The following PRR16 variants were observed in gnomAD, a reference collection of about 807,000 sequenced individuals.
PRR16 encodes the protein proline rich 16.
A neutral mutation model predicts 18.2 loss-of-function variants in PRR16; 6 were observed. The ratio of observed to expected loss-of-function variants is 0.33; its 90% CI spans 0.18 to 0.65. The LOEUF is 0.65. Ranked by LOEUF, PRR16 falls within the 30% of genes least tolerant of loss-of-function variation. The pLI is 0.74. For synonymous variants in PRR16, 151 were observed against 147.8 expected, an observed-to-expected ratio of 1.02 and a Z score of -0.16; for missense variants, 412 against 376.6, an observed-to-expected ratio of 1.09 and a Z score of -0.78.
chr5:120,468,290 T>C (rs907951391), intron 1 of PRR16, among the ~76,000 whole-genome samples: 1 of 152,172 alleles, frequency 6.6e-6, no homozygotes. Context: ...TATTCAAATG[T>C]TGTAACTAAA....
chr5:120,577,040 T>C (rs1753101754), intron 1 of PRR16, among the ~76,000 whole-genome samples: 1 of 152,136 alleles, frequency 6.6e-6, no homozygotes, highest in Admixed American at 6.6e-5. Context: ...ATGATTTCGT[T>C]TTCCAACGCT....
At chr5:120,622,843 T>C (rs984807466) in intron 1 of PRR16, among the ~76,000 whole-genome samples, 10 of 151,316 alleles carry the variant, frequency 6.6e-5, no homozygotes, top group African/African-American at 2.5e-4. Context: ...TTACATTATT[T>C]CTTTTTTGTT....
At chr5:120,743,240 C>G in the PRR16 span, among the ~76,000 whole-genome samples, 6 of 151,980 alleles carry the variant, frequency 3.9e-5, no homozygotes, top group African/African-American at 1.5e-4. Context: ...AATCCCATTT[C>G]CCCAGTTATT....
chr5:120,655,346 A>G (rs1206005997), intron 1 of PRR16, among the ~76,000 whole-genome samples: 2 of 150,456 alleles, frequency 1.3e-5, no homozygotes, highest in Non-Finnish European at 3.0e-5. Context: ...TTTTCAATGG[A>G]TGATTTATCT....
At chr5:120,655,793 G>A (rs538764222) in intron 1 of PRR16, among the ~76,000 whole-genome samples, 7 of 150,312 alleles carry the variant, frequency 4.7e-5, no homozygotes, top group African/African-American at 1.5e-4. Context: ...CAAATGAGAA[G>A]GCTAAATGTG....
chr5:120,565,242 ATACTTGTGC>A (rs1561548486), intron 1 of PRR16, among the ~76,000 whole-genome samples: 2 of 152,114 alleles, frequency 1.3e-5, no homozygotes, highest in African/African-American at 2.4e-5. Context: ...CATGTGTTTG[ATACTTGTGC>A]TAAAATCCTA....
intron 1 of PRR16, among the ~76,000 whole-genome samples, chr5:120,484,884 T>C (rs1484935952): frequency 1.3e-5 from 2 of 151,448 alleles, no homozygotes; most frequent in Non-Finnish European, 3.0e-5. Context: ...TTAAAGAGTA[T>C]ACATACATAT....
At chr5:120,609,421 T>A (rs1037792997) in intron 1 of PRR16, among the ~76,000 whole-genome samples, 9 of 152,128 alleles carry the variant, frequency 5.9e-5, no homozygotes, top group South Asian at 2.1e-4. Flanking sequence ...AAAAAATTTT[T>A]AAAAAAGGAA....
chr5:120,587,200 G>A (rs1022263017), intron 1 of PRR16, among the ~76,000 whole-genome samples: 2 of 152,176 alleles, frequency 1.3e-5, no homozygotes, highest in African/African-American at 4.8e-5. Context: ...GTTTTATCAT[G>A]GGGATAAGGA....
At chr5:120,712,843 G>T in the PRR16 span, among the ~76,000 whole-genome samples, 1 of 152,098 alleles carries the variant, frequency 6.6e-6, no homozygotes, top group South Asian at 2.1e-4. Context: ...CAAGAGTGTT[G>T]AGAAAAGGGA....
chr5:120,609,417 T>A (rs2034417), intron 1 of PRR16, among the ~76,000 whole-genome samples: 8,119 of 151,868 alleles, frequency 0.053, 531 homozygotes, highest in African/African-American at 0.16. Flanking sequence ...AAAAAAAAAA[T>A]TTTTAAAAAA....
chr5:120,783,269 G>T, the PRR16 span, among the ~76,000 whole-genome samples: 1 of 152,086 alleles, frequency 6.6e-6, no homozygotes, highest in African/African-American at 2.4e-5. Flanking sequence ...GAAATGAAAC[G>T]TTTTTTCTAA....
the PRR16 span, among the ~76,000 whole-genome samples, chr5:120,746,853 C>G: frequency 6.6e-6 from 1 of 152,088 alleles, no homozygotes; most frequent in Non-Finnish European, 1.5e-5. Flanking sequence ...CAAATGAAAA[C>G]AAATTATGTT....
chr5:120,498,385 A>T (rs1750331561), intron 1 of PRR16, among the ~76,000 whole-genome samples: 1 of 150,068 alleles, frequency 6.7e-6, no homozygotes, highest in South Asian at 2.1e-4. Context: ...AACTTACCAC[A>T]GTCTTCTTGT....
At chr5:120,578,051 T>C (rs952091501) in intron 1 of PRR16, among the ~76,000 whole-genome samples, 1 of 152,014 alleles carries the variant, frequency 6.6e-6, no homozygotes, top group Non-Finnish European at 1.5e-5. Context: ...AATTTAAAAA[T>C]ACCTTCCATT....
chr5:120,491,597 G>A (rs1358722177), intron 1 of PRR16, among the ~76,000 whole-genome samples: 1 of 151,660 alleles, frequency 6.6e-6, no homozygotes, highest in African/African-American at 2.4e-5. Flanking sequence ...AAGCTGGAGT[G>A]CAGTGGTGTA....
chr5:120,508,706 A>C (rs185967678), intron 1 of PRR16, among the ~76,000 whole-genome samples: 9 of 152,262 alleles, frequency 5.9e-5, no homozygotes, highest in Non-Finnish European at 1.3e-4. Context: ...GTCATTCTGC[A>C]AATATTTTAC....
chr5:120,792,799 T>C, the PRR16 span, among the ~76,000 whole-genome samples: 1 of 152,316 alleles, frequency 6.6e-6, no homozygotes, highest in Non-Finnish European at 1.5e-5. Context: ...TGGAGAGAAC[T>C]ACATTAAACA....
the PRR16 span, among the ~76,000 whole-genome samples, chr5:120,693,470 T>C: frequency 6.6e-6 from 1 of 152,208 alleles, no homozygotes; most frequent in African/African-American, 2.4e-5. Flanking sequence ...AATGCTGAAA[T>C]GCAAAATGGA....
Sources: allele counts gnomAD v4.1 joint callset (sites outside exome capture counted in the v4.1 genomes callset), GRCh38; gene constraint gnomAD v4.1.1; transcripts MANE v1.5; gene names NCBI Gene and HGNC (gene_info 2026-07-23, HGNC 2026-07-21).